Variants in FYN observed in about 807,000 individuals in gnomAD.
FYN encodes the protein tyrosine-protein kinase Fyn.
Under a neutral mutation model 70.2 loss-of-function variants are expected in FYN, and 10 were observed. That is an observed-to-expected ratio of 0.14 (90% CI 0.09 to 0.24). The LOEUF is 0.24. Among genes scored for constraint, FYN ranks in the 10% least tolerant of loss-of-function variants. FYN has a pLI of 1.00. For missense variants in FYN, 319 were observed against 673.1 expected (o/e 0.47, Z 5.82); for synonymous variants, 236 against 248.6 (o/e 0.95, Z 0.48).
chr6:111,825,143 G>C (rs1772793582), intron 2 of FYN, among the ~76,000 whole-genome samples: 1 of 152,144 alleles, frequency 6.6e-6, no homozygotes, highest in Non-Finnish European at 1.5e-5. Flanking sequence ...CTGCGGGCAG[G>C]GAGGCCTGGA....
rs928221641 is a variant in FYN at position 111,804,782 on chromosome 6, T to G, written c.-81-24147A>C. Among the ~76,000 whole-genome samples the G allele has an allele frequency of 1.1e-4, 17 of 152,190 alleles. 1 individual carries two copies. The highest frequency in any genetic ancestry group is 4.1e-4 in the African/African-American group (17 of 41,446). On this transcript the variant is annotated intron_variant, in intron 2 of 13. Coordinates refer to ENST00000354650, the MANE Select transcript of FYN (RefSeq NM_002037.5). ...TGGCGTTGTGTGGAAACTTGGAGGC[T>G]TTAATAAGAATCTGCTACGTCAGCA...
intron 3 of FYN, among the ~76,000 whole-genome samples, chr6:111,777,373 AAAT>A (rs1359910186): frequency 2.0e-5 from 3 of 151,524 alleles, no homozygotes; most frequent in African/African-American, 7.4e-5. Flanking sequence ...TAAACCTTCA[AAAT>A]AATAAGTACT....
intron 2 of FYN, chr6:111,793,870 G>C (rs1367581043): frequency 1.3e-5 from 2 of 152,248 alleles, no homozygotes; most frequent in Non-Finnish European, 2.9e-5. Context: ...GGCTTTCTCA[G>C]ACACTTTTGT....
At chr6:111,731,970 A>C (rs1208299262) in intron 3 of FYN, among the ~76,000 whole-genome samples, 1 of 152,248 alleles carries the variant, frequency 6.6e-6, no homozygotes, top group African/African-American at 2.4e-5. Flanking sequence ...GAGGAACATC[A>C]GTAAGAGGAA....
At chr6:111,664,858 G>A (rs1797927076) in intron 13 of FYN, among the ~76,000 whole-genome samples, 1 of 152,236 alleles carries the variant, frequency 6.6e-6, no homozygotes, top group Non-Finnish European at 1.5e-5. Flanking sequence ...TGCCAGGAAA[G>A]TGGGATATTT....
intron 3 of FYN, among the ~76,000 whole-genome samples, chr6:111,757,420 A>T (rs1477636415): frequency 6.6e-6 from 1 of 152,182 alleles, no homozygotes; most frequent in Non-Finnish European, 1.5e-5. Context: ...CCATGGAAAA[A>T]TTTCACTTAA....
chr6:111,696,141 A>G, intron 10 of FYN, 136 bp downstream of exon 10: 1 of 703,274 alleles, frequency 1.4e-6, no homozygotes, highest in Non-Finnish European at 2.2e-6. Flanking sequence ...TAACGAGCAC[A>G]TAACTGGTGG....
intron 2 of FYN, among the ~76,000 whole-genome samples, chr6:111,803,483 C>G (rs1772053017): frequency 6.6e-6 from 1 of 152,072 alleles, no homozygotes; most frequent in Admixed American, 6.6e-5. Context: ...CAGATCCCAG[C>G]CAGTTTCATT....
intron 3 of FYN, among the ~76,000 whole-genome samples, chr6:111,766,853 T>C (rs1393534615): frequency 6.6e-6 from 1 of 152,196 alleles, no homozygotes; most frequent in African/African-American, 2.4e-5. Context: ...CAATTCAAGA[T>C]GAGATCTGGG....
At chr6:111,702,844 C>T (rs757768764) in intron 8 of FYN, 41 bp downstream of exon 8, 5 of 1,600,780 alleles carry the variant, frequency 3.1e-6, no homozygotes, top group Admixed American at 3.4e-5. Context: ...CCACTCCCTC[C>T]AGCATCCAAA....
intron 3 of FYN, among the ~76,000 whole-genome samples, chr6:111,773,726 C>A (rs1276700934): frequency 6.7e-6 from 1 of 148,572 alleles, no homozygotes; most frequent in Non-Finnish European, 1.5e-5. Flanking sequence ...AATATCACTA[C>A]TCCTTCTCTC....
chr6:111,754,495 G>C lies in FYN; in HGVS notation c.-12+26071C>G, dbSNP rs532209666. ...TCTCTATTAGAAACATAGAAAGCAA[G>C]CCAGCATAATTTCTAAACCAAGTTG... On this transcript the variant is annotated intron_variant, in intron 3 of 13. Transcript: ENST00000354650. 3.3e-5 allele frequency: 5 copies of C among 152,284 alleles called. No homozygotes were observed. The South Asian group carries it at 8.3e-4, about 25-fold the overall frequency. The allele number at this position is 152,284 out of a possible 1,614,324, so 9.4% of individuals were successfully genotyped here.
At chr6:111,811,131 A>G (rs1772312045) in intron 2 of FYN, among the ~76,000 whole-genome samples, 1 of 152,208 alleles carries the variant, frequency 6.6e-6, no homozygotes, top group African/African-American at 2.4e-5. Flanking sequence ...CTGAATATAC[A>G]AGTAGTCAGG....
chr6:111,689,827 T>C (rs1799225391), intron 12 of FYN, among the ~76,000 whole-genome samples: 2 of 152,144 alleles, frequency 1.3e-5, no homozygotes, highest in Non-Finnish European at 2.9e-5. Context: ...AGGTATTCTG[T>C]ATCTTTATCT....
chr6:111,799,283 T>C (rs1344272992), intron 2 of FYN, among the ~76,000 whole-genome samples: 2 of 151,982 alleles, frequency 1.3e-5, no homozygotes, highest in African/African-American at 4.8e-5. Context: ...CAGAAGTAAA[T>C]GTGCAGATAT....
At chr6:111,796,505 A>G (rs1771809121) in intron 2 of FYN, among the ~76,000 whole-genome samples, 1 of 152,228 alleles carries the variant, frequency 6.6e-6, no homozygotes, top group Admixed American at 6.5e-5. Context: ...TGATGTTTAC[A>G]CAATGACAAA....
At chr6:111,838,108 C>T (rs1255602443) in intron 2 of FYN, among the ~76,000 whole-genome samples, 1 of 152,184 alleles carries the variant, frequency 6.6e-6, no homozygotes, top group Non-Finnish European at 1.5e-5. Flanking sequence ...GAGGTGAACA[C>T]TTAACCCTCA....
chr6:111,720,117 T>A (rs1800861258), intron 3 of FYN, 55 bp from the exon 4 acceptor site: 1 of 1,537,286 alleles, frequency 6.5e-7, no homozygotes. Context: ...AGTTGCTGGG[T>A]TGCTCTACAG....
At chr6:111,827,996 C>T (rs1772893423) in intron 2 of FYN, among the ~76,000 whole-genome samples, 2 of 152,178 alleles carry the variant, frequency 1.3e-5, no homozygotes, top group South Asian at 4.1e-4. Flanking sequence ...AACCTCAGCA[C>T]CACAATGGCC....
Sources: allele counts gnomAD v4.1 joint callset (sites outside exome capture counted in the v4.1 genomes callset), GRCh38; gene constraint gnomAD v4.1.1; transcripts MANE v1.5; gene names NCBI Gene and HGNC (gene_info 2026-07-23, HGNC 2026-07-21).